Variants in AGBL3 observed in about 807,000 individuals in gnomAD.
AGBL3 encodes AGBL carboxypeptidase 3.
AGBL3 carries 68 observed loss-of-function variants against 94.5 expected under a neutral mutation model. That is an observed-to-expected ratio of 0.72 (90% CI 0.59 to 0.88). The LOEUF (loss-of-function observed/expected upper bound fraction) is 0.88, where lower values mean the gene tolerates loss of function less well. AGBL3 is among the 40% of genes least tolerant of loss of function. AGBL3 has a pLI of 0.00. For synonymous variants in AGBL3, 354 were observed against 370.7 expected, an observed-to-expected ratio of 0.95 and a Z score of 0.52; for missense variants, 934 against 1,103.8, an observed-to-expected ratio of 0.85 and a Z score of 2.18.
intron 5 of AGBL3, among the ~76,000 whole-genome samples, chr7:135,029,705 C>G (rs1183601874): frequency 1.3e-5 from 2 of 152,206 alleles, no homozygotes; most frequent in Admixed American, 1.3e-4. Flanking sequence ...TTAACTGACA[C>G]AAAAGGCCTA....
intron 4 of AGBL3, among the ~76,000 whole-genome samples, chr7:135,004,078 A>T (rs760187898): frequency 2.0e-5 from 3 of 151,636 alleles, no homozygotes; most frequent in African/African-American, 4.8e-5. Context: ...TTTAAAATAA[A>T]TTTTTTTGAT....
At chr7:135,121,498 G>A (rs773883115) in intron 16 of AGBL3, among the ~76,000 whole-genome samples, 35 of 150,250 alleles carry the variant, frequency 2.3e-4, no homozygotes, top group Admixed American at 3.3e-4. Context: ...CATAGAAAGT[G>A]TATATCTGAC....
intron 8 of AGBL3, among the ~76,000 whole-genome samples, chr7:135,038,016 A>G (rs1816476548): frequency 6.6e-6 from 1 of 152,098 alleles, no homozygotes; most frequent in Non-Finnish European, 1.5e-5. Context: ...CCAATAACCA[A>G]TATTTTTAAA....
chr7:135,058,772 C>G (rs1009167184), intron 11 of AGBL3, among the ~76,000 whole-genome samples: 13 of 152,090 alleles, frequency 8.5e-5, no homozygotes, highest in Middle Eastern at 3.4e-3. Context: ...TTTTTCCCCC[C>G]CAAGACAGAG....
At chr7:134,999,325 T>C (rs1811416636) in intron 4 of AGBL3, among the ~76,000 whole-genome samples, 2 of 152,192 alleles carry the variant, frequency 1.3e-5, no homozygotes, top group Non-Finnish European at 2.9e-5. Context: ...AGCATTCCGA[T>C]GTAGTTACTT....
chr7:135,046,714 GT>G (rs1226537341), intron 11 of AGBL3, among the ~76,000 whole-genome samples: 1 of 152,022 alleles, frequency 6.6e-6, no homozygotes, highest in Non-Finnish European at 1.5e-5. Context: ...TTATATATCA[GT>G]TTACCTACTG....
intron 5 of AGBL3, among the ~76,000 whole-genome samples, chr7:135,027,684 A>C (rs914846947): frequency 6.6e-6 from 1 of 151,360 alleles, no homozygotes; most frequent in African/African-American, 2.4e-5. Context: ...CTTTAAAGAT[A>C]TTTTTCCATT....
intron 12 of AGBL3, among the ~76,000 whole-genome samples, chr7:135,067,357 T>A (rs1819432947): frequency 6.6e-6 from 1 of 152,172 alleles, no homozygotes; most frequent in Non-Finnish European, 1.5e-5. Context: ...TCTGCAGACT[T>A]AAATGTCCCT....
intron 15 of AGBL3, among the ~76,000 whole-genome samples, chr7:135,083,238 T>C (rs1054732336): frequency 6.6e-6 from 1 of 152,140 alleles, no homozygotes; most frequent in African/African-American, 2.4e-5. Context: ...CTGCCACCAA[T>C]ATTGTCATTC....
At chr7:135,116,467 G>C (rs1826325511) in intron 16 of AGBL3, among the ~76,000 whole-genome samples, 1 of 152,180 alleles carries the variant, frequency 6.6e-6, no homozygotes, top group Admixed American at 6.5e-5. Flanking sequence ...TTGCTACTGT[G>C]CAGTAGTAAA....
At chr7:135,038,479 A>G (rs1816521835) in intron 8 of AGBL3, among the ~76,000 whole-genome samples, 1 of 152,168 alleles carries the variant, frequency 6.6e-6, no homozygotes, top group Admixed American at 6.5e-5. Context: ...AGATATTTTG[A>G]TGTTTGTCTA....
At chr7:135,098,649 A>C (rs1234683912) in intron 15 of AGBL3, among the ~76,000 whole-genome samples, 1 of 152,194 alleles carries the variant, frequency 6.6e-6, no homozygotes, top group Non-Finnish European at 1.5e-5. Context: ...CAGATCTGAA[A>C]GTCAAAGGGA....
chr7:135,078,584 G>A (rs185726534), intron 13 of AGBL3, among the ~76,000 whole-genome samples: 29 of 151,922 alleles, frequency 1.9e-4, no homozygotes, highest in African/African-American at 5.8e-4. Flanking sequence ...TTTTCCTCAC[G>A]TATCCAAGCT....
At chr7:135,046,040 A>T in intron 11 of AGBL3, 129 bp downstream of exon 11, 1 of 663,714 alleles carries the variant, frequency 1.5e-6, no homozygotes, top group Non-Finnish European at 2.6e-6. Flanking sequence ...AATTTCTCCC[A>T]TGCCCATTAT....
At chr7:135,022,116 T>G (rs1235497125) in intron 5 of AGBL3, among the ~76,000 whole-genome samples, 1 of 152,158 alleles carries the variant, frequency 6.6e-6, no homozygotes, top group African/African-American at 2.4e-5. Flanking sequence ...TGAATAGTGA[T>G]GCAATCAACA....
At chr7:135,120,011 G>A (rs1826916951) in intron 16 of AGBL3, among the ~76,000 whole-genome samples, 1 of 152,170 alleles carries the variant, frequency 6.6e-6, no homozygotes, top group African/African-American at 2.4e-5. Flanking sequence ...GGAAGAAATT[G>A]TCAACTTAGA....
rs1404841418 is a variant in AGBL3, at chr7:135,076,488, G to C, written c.1980+20G>C. ...CAAGAGGTAAATCTTCATTAATCTA[G>C]TTATTAAGGTTTTTTTAAATGAATG... On this transcript the variant is annotated intron_variant, in intron 13 of 16. Coordinates refer to ENST00000436302, the MANE Select transcript of AGBL3 (RefSeq NM_178563.4). The C allele has an allele frequency of 6.7e-7, 1 of 1,498,056 alleles. No individual in the cohort carries two copies. The highest frequency in any genetic ancestry group is 1.2e-5 in the South Asian group (1 of 81,740). 92.8% of individuals were successfully genotyped at this position (1,498,056 alleles called of 1,614,324 possible). A position where few individuals can be genotyped will look rare whatever the true frequency, so the allele number is the denominator to read the frequency against.
intron 4 of AGBL3, among the ~76,000 whole-genome samples, chr7:134,995,903 A>G (rs1008599434): frequency 8.5e-5 from 13 of 152,164 alleles, no homozygotes; most frequent in African/African-American, 3.1e-4. Context: ...AATACAATAC[A>G]TCCTTGTGTA....
At chr7:135,025,383 A>C (rs1294678902) in intron 5 of AGBL3, among the ~76,000 whole-genome samples, 1 of 151,660 alleles carries the variant, frequency 6.6e-6, no homozygotes. Flanking sequence ...CAAGTGAAGG[A>C]GAAATAAAAT....
Sources: gnomAD v4.1 joint callset for allele counts (sites outside exome capture counted in the v4.1 genomes callset) on GRCh38, gnomAD v4.1.1 for gene constraint, MANE v1.5 for transcripts, NCBI Gene and HGNC (gene_info 2026-07-23, HGNC 2026-07-21) for gene names.